The following CYFIP2 variants were observed in gnomAD, a reference collection of about 807,000 sequenced individuals.
CYFIP2 encodes the protein cytoplasmic FMR1-interacting protein 2.
CYFIP2 carries 29 observed loss-of-function variants against 158.7 expected under a neutral mutation model. The observed-to-expected ratio is 0.18, with a 90% CI of 0.14 to 0.25. The LOEUF (loss-of-function observed/expected upper bound fraction) is 0.25, where lower values mean the gene tolerates loss of function less well. Among genes scored for constraint, CYFIP2 ranks in the 10% least tolerant of loss-of-function variants. The pLI, the probability that CYFIP2 is intolerant of heterozygous loss-of-function variation, is 1.00. For missense variants in CYFIP2, 852 were observed against 1,639.5 expected (o/e 0.52, Z 8.29); for synonymous variants, 585 against 617.6 (o/e 0.95, Z 0.78).
chr5:157,307,636 G>GGTGTATGTGT, intron 8 of CYFIP2, 125 bp from the exon 9 acceptor site: 2 of 427,342 alleles, frequency 4.7e-6, no homozygotes, highest in Non-Finnish European at 8.3e-6. Context: ...GTCTCTACAG[G>GGTGTATGTGT]GTGTGTGTGT....
intron 27 of CYFIP2, 95 bp from the exon 28 acceptor site, chr5:157,383,170 T>C (rs1766300586): frequency 4.8e-6 from 5 of 1,051,544 alleles, no homozygotes; most frequent in South Asian, 4.1e-5. Flanking sequence ...ATTTTTGGAA[T>C]GCAGATACAT....
At chr5:157,281,405 C>G (rs1206923395) in intron 1 of CYFIP2, among the ~76,000 whole-genome samples, 1 of 152,164 alleles carries the variant, frequency 6.6e-6, no homozygotes, top group East Asian at 1.9e-4. Flanking sequence ...AAACATCCAT[C>G]TCTTCTATAG....
chr5:157,310,423 CAG>C (rs1290430597), intron 10 of CYFIP2, among the ~76,000 whole-genome samples: 6 of 152,144 alleles, frequency 3.9e-5, no homozygotes, highest in Non-Finnish European at 8.8e-5. Context: ...CCTCTCCACA[CAG>C]AGGGGAACCA....
intron 14 of CYFIP2, 101 bp downstream of exon 14, chr5:157,320,029 T>G (rs2113102645): frequency 7.1e-7 from 1 of 1,413,628 alleles, no homozygotes; most frequent in African/African-American, 1.4e-5. Flanking sequence ...CATGGGTCCT[T>G]CCAGCAAGCT....
rs759428926 is a variant in CYFIP2, at chr5:157,294,819, A to G, written c.244A>G (p.Met82Val). ...GGAGGAAGGACATGAGTATGCGGTC[A>G]TGCTGTACACCTGGCGCAGCTGTTC... Reference protein sequence around the residue: ...MLEEGHEYAVMLYTWRSCSRA... With the variant: ...MLEEGHEYAVVLYTWRSCSRA... The change falls in exon 4 of 31, where the codon ATG (methionine) becomes GTG (valine). Residue 82 changes from methionine to valine, a missense_variant. Physicochemically the swap from Met to Val is conservative, Grantham distance 21. Coordinates refer to ENST00000620254, the MANE Select transcript of CYFIP2 (RefSeq NM_001037333.3). The G allele has an allele frequency of 5.6e-6, 9 of 1,613,794 alleles. No homozygotes were observed. Among genetic ancestry groups the G allele is most frequent in the Non-Finnish European group, 7.6e-6 (9 of 1,179,824 alleles).
At position 157,392,335 on chromosome 5, in the gene CYFIP2, CTCTTT is replaced by C. The variant is rs201642845; in HGVS notation, c.3595-496_3595-492del. The stretch of plus-strand genomic sequence containing the variant: ...ATCATGAAAATTTTTCCCCTATATT[CTCTTT>C]TAAGAATTTCAGTTTAATCTCATGG... On this transcript the variant is annotated intron_variant, in intron 30 of 30. Transcript: ENST00000620254. Among the ~76,000 whole-genome samples the C allele has an allele frequency of 9.2e-3, 1,403 of 152,224 alleles. 18 individuals are homozygous for C. Among genetic ancestry groups the C allele is most frequent in the African/African-American group, 0.03 (1,243 of 41,530 alleles).
At chr5:157,309,347 C>G (rs1759511108) in intron 9 of CYFIP2, among the ~76,000 whole-genome samples, 1 of 152,222 alleles carries the variant, frequency 6.6e-6, no homozygotes, top group Non-Finnish European at 1.5e-5. Flanking sequence ...GGAAGACCAA[C>G]AGCGCTCAGA....
In CYFIP2 at chr5:157,294,461, T is replaced by A. The variant is rs1363124649; in HGVS notation, c.208-322T>A. Among the ~76,000 whole-genome samples the A allele has an allele frequency of 2.6e-5, 4 of 152,370 alleles. No homozygotes were observed. The East Asian group carries it at 7.7e-4, about 29-fold the overall frequency. ...TTTTGCTACTTGCTTATTTTCTTGC[T>A]AACATTATATCTGGGGGGCACATAG... On this transcript the variant is annotated intron_variant, in intron 3 of 30. Coordinates refer to ENST00000620254, the MANE Select transcript of CYFIP2 (RefSeq NM_001037333.3).
At chr5:157,349,000 C>T (rs1762886718) in intron 23 of CYFIP2, among the ~76,000 whole-genome samples, 1 of 151,128 alleles carries the variant, frequency 6.6e-6, no homozygotes, top group Admixed American at 6.6e-5. Flanking sequence ...AGACTGGTCT[C>T]GAACTCCTGG....
At chr5:157,276,411 G>A (rs751925213) in intron 1 of CYFIP2, among the ~76,000 whole-genome samples, 51 of 152,206 alleles carry the variant, frequency 3.4e-4, no homozygotes, top group Non-Finnish European at 5.0e-4. Context: ...TATTGCTATA[G>A]CTTATTACGT....
In CYFIP2 at chr5:157,290,489, A is replaced by G. The variant is rs538621718; in HGVS notation, c.207+3381A>G. Among the ~76,000 whole-genome samples, 233 of 152,306 alleles carry G rather than the reference A, an allele frequency of 1.5e-3. 3 individuals are homozygous for G. In the South Asian group the frequency reaches 0.031, roughly 20 times the overall value. ...TTGTGTTTACACTGGGCTCCCCAGG[A>G]TAATCCAGAACAACCACCACCACCC... On this transcript the variant is annotated intron_variant, in intron 3 of 30. Transcript: ENST00000620254.
chr5:157,391,261 A>G (rs1451070486), intron 30 of CYFIP2, among the ~76,000 whole-genome samples: 2 of 152,196 alleles, frequency 1.3e-5, no homozygotes, highest in South Asian at 2.1e-4. Context: ...GTGAGAGGAG[A>G]GAGAGGTAAG....
At chr5:157,271,887 T>C (rs1756125796) in intron 1 of CYFIP2, among the ~76,000 whole-genome samples, 1 of 152,176 alleles carries the variant, frequency 6.6e-6, no homozygotes, top group African/African-American at 2.4e-5. Flanking sequence ...AGCAGGTGCA[T>C]CTGAGAGGCA....
At chr5:157,304,427 T>A in intron 8 of CYFIP2, 61 bp downstream of exon 8, 1 of 1,531,662 alleles carries the variant, frequency 6.5e-7, no homozygotes, top group African/African-American at 1.4e-5. Context: ...CTTCTTCTTA[T>A]TAAAAATCCG....
At chr5:157,348,544 T>C (rs1434159650) in intron 23 of CYFIP2, among the ~76,000 whole-genome samples, 1 of 152,196 alleles carries the variant, frequency 6.6e-6, no homozygotes, top group Non-Finnish European at 1.5e-5. Flanking sequence ...CCCGAGTACC[T>C]GGGACTACAG....
chr5:157,335,970 GA>G (rs1410158912), intron 21 of CYFIP2, among the ~76,000 whole-genome samples: 1 of 152,248 alleles, frequency 6.6e-6, no homozygotes, highest in African/African-American at 2.4e-5. Flanking sequence ...AACAAGCAGT[GA>G]AAGCCCTTGC....
intron 28 of CYFIP2, among the ~76,000 whole-genome samples, chr5:157,386,012 G>A (rs1225450844): frequency 6.6e-6 from 1 of 152,058 alleles, no homozygotes; most frequent in Non-Finnish European, 1.5e-5. Flanking sequence ...GAGCTATAAA[G>A]CACATTTTCA....
chr5:157,321,243 C>G (rs1330215228), intron 15 of CYFIP2, among the ~76,000 whole-genome samples: 1 of 152,232 alleles, frequency 6.6e-6, no homozygotes. Flanking sequence ...CTGCCTCTGA[C>G]TTGCTGTGTG....
chr5:157,283,764 AG>A (rs1207257147), intron 1 of CYFIP2, among the ~76,000 whole-genome samples: 1 of 152,188 alleles, frequency 6.6e-6, no homozygotes, highest in African/African-American at 2.4e-5. Context: ...GGCCTAAGGC[AG>A]GTATTAGTCT....
Sources: gnomAD v4.1 joint callset for allele counts (sites outside exome capture counted in the v4.1 genomes callset) on GRCh38, gnomAD v4.1.1 for gene constraint, MANE v1.5 for transcripts, NCBI Gene and HGNC (gene_info 2026-07-23, HGNC 2026-07-21) for gene names.